The following NR6A1 variants were observed in gnomAD, a reference collection of about 807,000 sequenced individuals.
NR6A1 encodes the protein retinoic acid receptor-related testis-associated receptor.
In NR6A1, 7 loss-of-function variants were observed where a neutral mutation model predicts 59.1. The ratio of observed to expected loss-of-function variants is 0.12; its 90% CI spans 0.07 to 0.22. NR6A1 has a LOEUF of 0.22. Ranked by LOEUF, NR6A1 falls within the 10% of genes least tolerant of loss-of-function variation. NR6A1 has a pLI of 1.00. For synonymous variants in NR6A1, 243 were observed against 236.1 expected (o/e 1.03, Z -0.27); for missense variants, 468 against 611.6 (o/e 0.77, Z 2.48).
intron 2 of NR6A1, among the ~76,000 whole-genome samples, chr9:124,682,270 G>C (rs1838189904): frequency 6.6e-6 from 1 of 152,112 alleles, no homozygotes; most frequent in African/African-American, 2.4e-5. Flanking sequence ...CCAGAGTGCT[G>C]GGAATACAGG....
chr9:124,699,670 TAAGTGTATAATTC>T (rs1265079933), intron 2 of NR6A1, among the ~76,000 whole-genome samples: 1 of 152,276 alleles, frequency 6.6e-6, no homozygotes, highest in African/African-American at 2.4e-5. Flanking sequence ...TCGCCTGTTG[TAAGTGTATAATTC>T]AATGACTTTT....
chr9:124,547,489 T>C (rs1259513671), intron 3 of NR6A1, among the ~76,000 whole-genome samples: 1 of 152,222 alleles, frequency 6.6e-6, no homozygotes, highest in Non-Finnish European at 1.5e-5. Context: ...TACATAGTTC[T>C]GTCTCTGCAT....
chr9:124,524,863 A>C lies in NR6A1; in HGVS notation c.1212T>G (p.Gly404=). The change falls in exon 9 of 10, where the codon GGT becomes GGG. Residue 404 remains glycine (G), a synonymous_variant. Coordinates refer to ENST00000487099, the MANE Select transcript of NR6A1 (RefSeq NM_033334.4). ...GTTCCAGCTGTGAGGCACTGGTCAG[A>C]CCCCTGATATCTGTGGAAAAAAAAA... The part of the protein sequence containing the change: ...AINFLNQDIR[G]LTSASQLEQL... 6.2e-7 allele frequency: 1 copy of C among 1,607,882 alleles called. No homozygotes were observed.
chr9:124,608,499 T>C (rs1835639668), intron 2 of NR6A1, among the ~76,000 whole-genome samples: 1 of 152,264 alleles, frequency 6.6e-6, no homozygotes, highest in Non-Finnish European at 1.5e-5. Context: ...CTGCAGAGTA[T>C]TCCATGGTGT....
chr9:124,601,395 G>A (rs537953766), intron 2 of NR6A1, among the ~76,000 whole-genome samples: 4 of 150,696 alleles, frequency 2.7e-5, no homozygotes, highest in East Asian at 3.9e-4. Flanking sequence ...CCATCCTGGC[G>A]AACACAGTGA....
intron 2 of NR6A1, among the ~76,000 whole-genome samples, chr9:124,669,684 G>T (rs1837729810): frequency 6.6e-6 from 1 of 152,206 alleles, no homozygotes. Context: ...CCAGCACACA[G>T]GAATGTTTAC....
At chr9:124,541,541 T>A (rs755792637) in intron 4 of NR6A1, among the ~76,000 whole-genome samples, 3 of 152,074 alleles carry the variant, frequency 2.0e-5, no homozygotes, top group Non-Finnish European at 4.4e-5. Flanking sequence ...CAAGTGCTGG[T>A]AAGGATGTGA....
chr9:124,608,168 G>A (rs1045845880), intron 2 of NR6A1, among the ~76,000 whole-genome samples: 1 of 152,128 alleles, frequency 6.6e-6, no homozygotes, highest in African/African-American at 2.4e-5. Flanking sequence ...TTTATTTTAC[G>A]TTTCAGGGTA....
chr9:124,559,809 C>T (rs1834029954), intron 2 of NR6A1, among the ~76,000 whole-genome samples: 1 of 151,978 alleles, frequency 6.6e-6, no homozygotes, highest in East Asian at 1.9e-4. Context: ...AATGGAGTGT[C>T]CAACTGTGAT....
intron 2 of NR6A1, among the ~76,000 whole-genome samples, chr9:124,679,687 C>T (rs1242812187): frequency 1.3e-5 from 2 of 151,544 alleles, no homozygotes; most frequent in East Asian, 1.9e-4. Flanking sequence ...GTCAGGAGTT[C>T]GAGACCAGCC....
At chr9:124,703,184 C>T (rs374195917) in intron 2 of NR6A1, among the ~76,000 whole-genome samples, 40 of 148,786 alleles carry the variant, frequency 2.7e-4, no homozygotes, top group Non-Finnish European at 4.0e-4. Flanking sequence ...AGATTACAGG[C>T]GTGAGCCACC....
intron 2 of NR6A1, among the ~76,000 whole-genome samples, chr9:124,601,583 CAAA>C (rs11346749): frequency 1.9e-4 from 17 of 89,986 alleles, no homozygotes; most frequent in Admixed American, 2.4e-4. Context: ...GACTCTGTGT[CAAA>C]AAAAAAAAAA....
At chr9:124,691,416 T>C (rs1030629314) in intron 2 of NR6A1, among the ~76,000 whole-genome samples, 4 of 152,230 alleles carry the variant, frequency 2.6e-5, no homozygotes, top group Admixed American at 1.3e-4. Context: ...ACTATCCCCA[T>C]TTAGAGATTA....
chr9:124,655,552 A>T (rs2130929327), intron 2 of NR6A1, among the ~76,000 whole-genome samples: 1 of 152,362 alleles, frequency 6.6e-6, no homozygotes, highest in East Asian at 1.9e-4. Flanking sequence ...CACAAGGCAC[A>T]ACTCAAGAGA....
At chr9:124,600,889 C>T (rs908077129) in intron 2 of NR6A1, among the ~76,000 whole-genome samples, 29 of 146,556 alleles carry the variant, frequency 2.0e-4, no homozygotes, top group African/African-American at 6.4e-4. Flanking sequence ...GGAATAAAGA[C>T]GATCTCAAAA....
chr9:124,770,507 G>A (rs1298547700), intron 1 of NR6A1, among the ~76,000 whole-genome samples: 1 of 151,524 alleles, frequency 6.6e-6, no homozygotes, highest in Non-Finnish European at 1.5e-5. Context: ...GGCAAGAAGG[G>A]AGCGTCCTCG....
At chr9:124,733,089 C>T (rs560442570) in intron 2 of NR6A1, among the ~76,000 whole-genome samples, 2 of 152,282 alleles carry the variant, frequency 1.3e-5, no homozygotes, top group Non-Finnish European at 2.9e-5. Flanking sequence ...AGCAAACCAA[C>T]TTTCTATTAA....
At chr9:124,603,577 T>C (rs1261584338) in intron 2 of NR6A1, among the ~76,000 whole-genome samples, 3 of 152,184 alleles carry the variant, frequency 2.0e-5, no homozygotes, top group Non-Finnish European at 4.4e-5. Context: ...CCTGCATCAG[T>C]GTAGAACCAC....
intron 6 of NR6A1, among the ~76,000 whole-genome samples, chr9:124,537,730 C>T (rs1833312312): frequency 6.6e-6 from 1 of 152,116 alleles, no homozygotes; most frequent in Non-Finnish European, 1.5e-5. Context: ...CCAGCCAGGG[C>T]TTTGTGAAGG....
Sources: gnomAD v4.1 joint callset for allele counts (sites outside exome capture counted in the v4.1 genomes callset) on GRCh38, gnomAD v4.1.1 for gene constraint, MANE v1.5 for transcripts, NCBI Gene and HGNC (gene_info 2026-07-23, HGNC 2026-07-21) for gene names.